Variants in NBPF12 observed in about 807,000 individuals in gnomAD.
NBPF12 encodes the protein NBPF member 12.
In NBPF12, 115 loss-of-function variants were observed where a neutral mutation model predicts 146.4. The observed-to-expected ratio is 0.79, with a 90% CI of 0.68 to 0.92. NBPF12 has a LOEUF of 0.92. Among genes scored for constraint, NBPF12 ranks in the 40% least tolerant of loss-of-function variants. The pLI, the probability that NBPF12 is intolerant of heterozygous loss-of-function variation, is 0.00. For synonymous variants in NBPF12, 385 were observed against 508.9 expected (o/e 0.76, Z 3.28); for missense variants, 1,205 against 1,326.8 (o/e 0.91, Z 1.43).
At chr1:146,975,727 G>A in exon 16 of NBPF12, 1 of 1,093,262 alleles carries the variant, frequency 9.1e-7, no homozygotes, top group South Asian at 1.3e-5. Context: ...ACCCAGTTAA[G>A]GGAGAAGTTA....
chr1:146,938,608 A>G (rs1654638962), upstream of NBPF12: 1 of 146,018 alleles, frequency 6.8e-6, no homozygotes, highest in East Asian at 2.0e-4. Flanking sequence ...GGGTCCCTTT[A>G]AGGCCCAGCT....
chr1:146,966,391 C>G, intron 8 of NBPF12, 73 bp from the exon 12 acceptor site: 1 of 1,218,416 alleles, frequency 8.2e-7, no homozygotes, highest in South Asian at 1.2e-5. Flanking sequence ...CAGTGACATC[C>G]CTCAGTCCTG....
At chr1:146,959,189 A>T (rs1655729110) in intron 2 of NBPF12, among the ~76,000 whole-genome samples, 1 of 97,352 alleles carries the variant, frequency 1.0e-5, no homozygotes, top group Non-Finnish European at 2.1e-5. Context: ...GAGTAAAGAG[A>T]AGTCGGCCGT....
At chr1:146,964,688 G>C (rs1398037096) in intron 7 of NBPF12, among the ~76,000 whole-genome samples, 1 of 151,924 alleles carries the variant, frequency 6.6e-6, no homozygotes, top group African/African-American at 2.4e-5. Flanking sequence ...CTGAACACCA[G>C]CTGCTCTCTT....
chr1:146,974,167 A>G (rs1471246467), intron 14 of NBPF12, among the ~76,000 whole-genome samples: 11 of 149,688 alleles, frequency 7.3e-5, no homozygotes, highest in Non-Finnish European at 1.2e-4. Flanking sequence ...CAGAAACTTC[A>G]TTAGCATTTG....
rs1390641375 is a variant in NBPF12, at chr1:146,992,581, T to C, written c.3849-131T>C. ...CTGTCCCAACATGAAGGCAATAATT[T>C]GTTACCTCATTAATGGATCTATCCT... On this transcript the variant is annotated intron_variant, in intron 31 of 33. Coordinates refer to ENST00000617844, the Ensembl canonical transcript of NBPF12. The C allele has an allele frequency of 4.7e-5, 31 of 653,540 alleles. 1 individual carries two copies. Among genetic ancestry groups the C allele is most frequent in the South Asian group, 4.4e-4 (27 of 61,400 alleles). 40.5% of individuals were successfully genotyped at this position (653,540 alleles called of 1,614,324 possible).
chr1:146,966,386 A>G (rs1656211849), intron 8 of NBPF12, 78 bp from the exon 12 acceptor site: 1 of 1,184,248 alleles, frequency 8.4e-7, no homozygotes. Flanking sequence ...GCTGCCAGTG[A>G]CATCCCTCAG....
chr1:146,965,764 C>G (rs1457842246), intron 8 of NBPF12, among the ~76,000 whole-genome samples: 2 of 122,674 alleles, frequency 1.6e-5, no homozygotes, highest in Admixed American at 1.1e-4. Flanking sequence ...TGCACTCCAG[C>G]CTGGGAGACA....
At chr1:146,949,093 G>C (rs2795737), upstream of NBPF12, among the ~76,000 whole-genome samples, 1 of 148,082 alleles carries the variant, frequency 6.8e-6, no homozygotes, top group Non-Finnish European at 1.5e-5. Flanking sequence ...GGAAACGCCC[G>C]ATAATGATCA....
chr1:146,986,138 C>CCTCTCTCTCTCT (rs1181047928), intron 23 of NBPF12, among the ~76,000 whole-genome samples: 1 of 150,718 alleles, frequency 6.6e-6, no homozygotes, highest in Non-Finnish European at 1.5e-5. Context: ...CTCACTTTCT[C>CCTCTCTCTCTCT]CTCTCTCTCT....
At chr1:146,974,963 G>A in intron 15 of NBPF12, 122 bp downstream of exon 18, 1 of 526,488 alleles carries the variant, frequency 1.9e-6, no homozygotes, top group Non-Finnish European at 3.2e-6. Context: ...TGCCATGGCA[G>A]GTTTGCTACA....
At chr1:146,949,872 T>C (rs1395779716) in intron 1 of NBPF12, among the ~76,000 whole-genome samples, 3 of 151,926 alleles carry the variant, frequency 2.0e-5, no homozygotes, top group Admixed American at 6.6e-5. Flanking sequence ...TAACAACTTA[T>C]GGAGTCCTTC....
chr1:146,972,959 C>T (rs1197261292), exon 14 of NBPF12: 13 of 920,434 alleles, frequency 1.4e-5, no homozygotes, highest in East Asian at 2.4e-5. Context: ...AGAACAAATA[C>T]AGTAAGATCT....
Position 146,972,733 on chromosome 1 carries a change from T to G in NBPF12, c.1592-18T>G. ...ATCAGTTTTTAACCCATCATGTGTT[T>G]GCCTTTCTTCTCCCCAGTCCCTGGC... is the stretch of plus-strand genomic sequence containing the variant. On this transcript the variant is annotated intron_variant, in intron 13 of 33. Transcript: ENST00000617844. 7.3e-7 allele frequency: 1 copy of G among 1,361,092 alleles called. No individual in the cohort carries two copies. The allele number at this position is 1,361,092 out of a possible 1,614,324, so 84.3% of individuals were successfully genotyped here. A position where few individuals can be genotyped will look rare whatever the true frequency, so the allele number is the denominator to read the frequency against.
At chr1:146,964,255 G>T (rs1359869859) in intron 6 of NBPF12, 102 bp from the exon 10 acceptor site, 1 of 1,537,130 alleles carries the variant, frequency 6.5e-7, no homozygotes, top group East Asian at 2.2e-5. Context: ...TCAGTACAAT[G>T]CTGAACCATA....
intron 9 of NBPF12, among the ~76,000 whole-genome samples, chr1:146,967,496 TA>T (rs1191510291): frequency 7.5e-5 from 11 of 147,188 alleles, no homozygotes; most frequent in South Asian, 2.3e-4. Flanking sequence ...GCAAGACTGT[TA>T]AAAAAAAATA....
chr1:146,945,030 TCCTCCCTC>T (rs1559515038), upstream of NBPF12, among the ~76,000 whole-genome samples: 1 of 38,234 alleles, frequency 2.6e-5, no homozygotes, highest in African/African-American at 9.4e-5. Context: ...CTCCCTTCCT[TCCTCCCTC>T]CCTCCCTGCC....
chr1:146,994,193 G>A (rs1658373608), intron 33 of NBPF12, 139 bp from the exon 37 acceptor site: 1 of 1,544,488 alleles, frequency 6.5e-7, no homozygotes, highest in African/African-American at 1.4e-5. Flanking sequence ...CCAACATAAA[G>A]GCAATAATTT....
Position 146,964,392 on chromosome 1 carries a change from G to T in NBPF12, c.529G>T (p.Glu177Ter). ...AGATGAGGATGAAGATGTTCAAGTT[G>T]AGGAGGATGAGAAAGTACTGGAATC... The change falls in exon 7 of 34, where the codon GAG becomes TAG. Residue 177 changes from glutamate to a stop codon, truncating the protein, a stop_gained. Coordinates refer to ENST00000617844, the Ensembl canonical transcript of NBPF12. LOFTEE classifies it high-confidence loss of function. 1 of 1,602,934 alleles carries T rather than the reference G, an allele frequency of 6.2e-7. No individual in the cohort carries two copies. Among genetic ancestry groups the T allele is most frequent in the Admixed American group, 1.7e-5 (1 of 59,974 alleles).
Sources: gnomAD v4.1 joint callset for allele counts (sites outside exome capture counted in the v4.1 genomes callset) on GRCh38, gnomAD v4.1.1 for gene constraint, MANE v1.5 for transcripts, NCBI Gene and HGNC (gene_info 2026-07-23, HGNC 2026-07-21) for gene names.